MMP24: variants seen among roughly 807,000 people sequenced by gnomAD.
MMP24 encodes matrix metallopeptidase 24.
MMP24 carries 25 observed loss-of-function variants against 62.8 expected under a neutral mutation model. The ratio of observed to expected loss-of-function variants is 0.40; its 90% CI spans 0.29 to 0.56. The LOEUF is 0.56. MMP24 is among the 20% of genes least tolerant of loss of function. MMP24 has a pLI of 0.50. For missense variants in MMP24, 634 were observed against 853.6 expected, an observed-to-expected ratio of 0.74 and a Z score of 3.21; for synonymous variants, 319 against 350.5, an observed-to-expected ratio of 0.91 and a Z score of 1.00.
intron 1 of MMP24, among the ~76,000 whole-genome samples, chr20:35,236,422 C>G (rs1178574990): frequency 6.6e-6 from 1 of 152,202 alleles, no homozygotes. Flanking sequence ...GTGACCAGTG[C>G]ATTTTCTAGA....
chr20:35,243,467 G>T (rs555442467), intron 1 of MMP24, among the ~76,000 whole-genome samples: 1 of 152,028 alleles, frequency 6.6e-6, no homozygotes. Context: ...TCAGAGCCTC[G>T]CACAGTGCCT....
At chr20:35,253,268 G>A (rs1180728697) in intron 3 of MMP24, among the ~76,000 whole-genome samples, 1 of 93,142 alleles carries the variant, frequency 1.1e-5, no homozygotes, top group Non-Finnish European at 2.0e-5. Context: ...TACAGAACGG[G>A]ACTTTTTTTT....
intron 4 of MMP24, among the ~76,000 whole-genome samples, chr20:35,257,300 G>A (rs774027890): frequency 2.0e-5 from 3 of 152,066 alleles, no homozygotes; most frequent in East Asian, 1.9e-4. Context: ...ATTGAACTCC[G>A]TTTCCTTTGC....
intron 1 of MMP24, among the ~76,000 whole-genome samples, chr20:35,244,401 C>G (rs2060503186): frequency 6.6e-6 from 1 of 151,854 alleles, no homozygotes; most frequent in South Asian, 2.1e-4. Context: ...CTCTTGTGTC[C>G]CTGGGTCTCC....
At chr20:35,231,612 A>G (rs2425019) in intron 1 of MMP24, among the ~76,000 whole-genome samples, 87,865 of 152,086 alleles carry the variant, frequency 0.58, 28,538 homozygotes, top group African/African-American at 0.89. Context: ...CCCATATGCC[A>G]TGTATGTGGC....
intron 7 of MMP24, 122 bp downstream of exon 7, chr20:35,270,020 C>A: frequency 8.1e-7 from 1 of 1,232,952 alleles, no homozygotes; most frequent in South Asian, 1.5e-5. Context: ...TCTAGTCTAA[C>A]GGAGACACTG....
At chr20:35,256,075 G>A (rs986123219) in intron 4 of MMP24, 3 of 152,210 alleles carry the variant, frequency 2.0e-5, no homozygotes, top group Non-Finnish European at 4.4e-5. Flanking sequence ...TAATTAGTGG[G>A]TATGCTGGTG....
In MMP24 at chr20:35,275,966, C is replaced by T; in HGVS notation, c.*1357C>T. Reference sequence around the variant, plus strand: ...TGCTCCACAGTACGGCGGAGGCAGCCCTGCTTGTCACTGAGGAGCCCTAGA... The same window carrying T: ...TGCTCCACAGTACGGCGGAGGCAGCTCTGCTTGTCACTGAGGAGCCCTAGA... On this transcript the variant is annotated 3_prime_UTR_variant, in exon 9 of 9. Coordinates refer to ENST00000246186, the MANE Select transcript of MMP24 (RefSeq NM_006690.4). 1 of 398,664 alleles carries T rather than the reference C, an allele frequency of 2.5e-6. No individual in the cohort carries two copies. Among genetic ancestry groups the T allele is most frequent in the Non-Finnish European group, 4.4e-6 (1 of 226,104 alleles). The allele number at this position is 398,664 out of a possible 1,614,324, so 24.7% of individuals were successfully genotyped here. A position where few individuals can be genotyped will look rare whatever the true frequency, so the allele number is the denominator to read the frequency against.
intron 6 of MMP24, among the ~76,000 whole-genome samples, chr20:35,268,822 T>C (rs1438317614): frequency 4.6e-5 from 7 of 151,214 alleles, no homozygotes; most frequent in Non-Finnish European, 7.4e-5. Flanking sequence ...GGTCAGGAGA[T>C]CAAGACCATC....
chr20:35,236,961 G>A (rs1225690934), intron 1 of MMP24, among the ~76,000 whole-genome samples: 5 of 137,362 alleles, frequency 3.6e-5, no homozygotes, highest in African/African-American at 1.1e-4. Flanking sequence ...GCGACAGAGC[G>A]AGACACCATC....
At chr20:35,243,792 G>A (rs903356454) in intron 1 of MMP24, among the ~76,000 whole-genome samples, 1 of 152,080 alleles carries the variant, frequency 6.6e-6, no homozygotes, top group Non-Finnish European at 1.5e-5. Flanking sequence ...AATATAATTT[G>A]TTTTTTGCCA....
rs867570985 is a variant in MMP24, at chr20:35,276,642, T to C, written c.*2033T>C. On this transcript the variant is annotated 3_prime_UTR_variant, in exon 9 of 9. Coordinates refer to ENST00000246186, the MANE Select transcript of MMP24 (RefSeq NM_006690.4). Reference sequence around the variant, plus strand: ...TCCTCAGGTTGGTGCTCTCACTTCTTGAAAGCTCTAGGCACCCCCGCCTCC... The same window carrying C: ...TCCTCAGGTTGGTGCTCTCACTTCTCGAAAGCTCTAGGCACCCCCGCCTCC... 3 of 200,606 alleles carry C rather than the reference T, an allele frequency of 1.5e-5. No individual in the cohort carries two copies. The highest frequency in any genetic ancestry group is 6.9e-5 in the African/African-American group (3 of 43,422). The allele number at this position is 200,606 out of a possible 1,614,324, so 12.4% of individuals were successfully genotyped here.
At chr20:35,254,279 T>G (rs1391822764) in intron 3 of MMP24, among the ~76,000 whole-genome samples, 171 bp from the exon 4 acceptor site, 1 of 152,154 alleles carries the variant, frequency 6.6e-6, no homozygotes, top group African/African-American at 2.4e-5. Context: ...TGAGGCAGGG[T>G]GGGGATCCAG....
At chr20:35,266,855 G>C (rs1318375577) in intron 5 of MMP24, among the ~76,000 whole-genome samples, 1 of 152,068 alleles carries the variant, frequency 6.6e-6, no homozygotes, top group African/African-American at 2.4e-5. Context: ...GCTGCACTGG[G>C]GTGGGAAAGA....
rs1408436954 is a variant in MMP24 at position 35,269,037 on chromosome 20, AAAAG to A, written c.1195-715_1195-712del. 1.3e-5 allele frequency among the ~76,000 whole-genome samples: 2 copies of A among 151,790 alleles called. No homozygotes were observed. Among genetic ancestry groups the A allele is most frequent in the African/African-American group, 4.8e-5 (2 of 41,302 alleles). Reference sequence around the variant, plus strand: ...GCGAGACTCCATCTAAAAAAAAAAAAAAAGAAAGAAAACTGAGGCCTGGAGGCTA... The same window carrying A: ...GCGAGACTCCATCTAAAAAAAAAAAAAAAGAAAACTGAGGCCTGGAGGCTA... On this transcript the variant is annotated intron_variant, in intron 6 of 8. Coordinates refer to ENST00000246186, the MANE Select transcript of MMP24 (RefSeq NM_006690.4). This position sits in a 1 kb window ranked among gnomAD's most constrained non-coding sequence, Gnocchi z 4.6.
At chr20:35,272,784 T>C (rs952156671) in intron 8 of MMP24, among the ~76,000 whole-genome samples, 1 of 152,246 alleles carries the variant, frequency 6.6e-6, no homozygotes, top group African/African-American at 2.4e-5. Flanking sequence ...TACCACTCAC[T>C]ATGAATCTGA....
At chr20:35,273,817 A>C (rs2060686816) in intron 8 of MMP24, among the ~76,000 whole-genome samples, 1 of 152,096 alleles carries the variant, frequency 6.6e-6, no homozygotes, top group Admixed American at 6.6e-5. Context: ...GTGCCAAGCC[A>C]AAAAAATCCA....
chr20:35,245,576 G>A (rs975227715), intron 1 of MMP24, among the ~76,000 whole-genome samples: 1 of 151,700 alleles, frequency 6.6e-6, no homozygotes, highest in African/African-American at 2.4e-5. Context: ...AGCCTCCTGA[G>A]TAGCTGGGAT....
At chr20:35,231,455 GA>G (rs766247482) in intron 1 of MMP24, among the ~76,000 whole-genome samples, 10 of 148,166 alleles carry the variant, frequency 6.7e-5, no homozygotes, top group Admixed American at 1.3e-4. Flanking sequence ...TTCTTGTCTG[GA>G]AAAAAAAAAC....
Sources: allele counts gnomAD v4.1 joint callset (sites outside exome capture counted in the v4.1 genomes callset), GRCh38; gene constraint gnomAD v4.1.1; non-coding constraint Gnocchi (gnomAD v3.1); transcripts MANE v1.5; gene names NCBI Gene and HGNC (gene_info 2026-07-23, HGNC 2026-07-21).